The following TRHDE variants were observed in gnomAD, a reference collection of about 807,000 sequenced individuals.
TRHDE encodes thyrotropin-releasing hormone-degrading ectoenzyme.
Under a neutral mutation model 125.7 loss-of-function variants are expected in TRHDE, and 72 were observed. That is an observed-to-expected ratio of 0.57 (90% CI 0.47 to 0.70). The LOEUF (loss-of-function observed/expected upper bound fraction) is 0.70. Ranked by LOEUF, TRHDE falls within the 30% of genes least tolerant of loss-of-function variation. The pLI is 0.00. For missense variants in TRHDE, 1,110 were observed against 1,327.1 expected (o/e 0.84, Z 2.54); for synonymous variants, 509 against 509.1 (o/e 1.00, Z 0.00).
intron 6 of TRHDE, among the ~76,000 whole-genome samples, chr12:72,504,331 T>C (rs1878274388): frequency 6.6e-6 from 1 of 150,440 alleles, no homozygotes; most frequent in Non-Finnish European, 1.5e-5. Context: ...TTTGAGACAG[T>C]CTCGCTCTGT....
chr12:72,632,975 AT>A (rs1448103237), intron 15 of TRHDE, among the ~76,000 whole-genome samples: 1 of 151,884 alleles, frequency 6.6e-6, no homozygotes, highest in African/African-American at 2.4e-5. Context: ...TGGCAATTAT[AT>A]TTTATAAAGT....
intron 5 of TRHDE, among the ~76,000 whole-genome samples, chr12:72,474,400 G>A (rs1876793780): frequency 6.6e-6 from 1 of 152,052 alleles, no homozygotes; most frequent in Non-Finnish European, 1.5e-5. Context: ...CATGACTGAA[G>A]CTTTGTACAC....
chr12:72,382,335 G>C (rs1341783411), intron 3 of TRHDE, among the ~76,000 whole-genome samples: 2 of 152,016 alleles, frequency 1.3e-5, no homozygotes, highest in Non-Finnish European at 2.9e-5. Flanking sequence ...CATGGGGTTG[G>C]GGAGGGGGGG....
At chr12:72,222,762 C>G (rs981356) in intron 2 of TRHDE, among the ~76,000 whole-genome samples, 1 of 152,016 alleles carries the variant, frequency 6.6e-6, no homozygotes, top group East Asian at 1.9e-4. Flanking sequence ...TCATAGTGGT[C>G]CTAGGGAGAT....
At chr12:72,141,045 A>G (rs984450136) in intron 2 of TRHDE, among the ~76,000 whole-genome samples, 3 of 152,174 alleles carry the variant, frequency 2.0e-5, no homozygotes, top group Admixed American at 6.5e-5. Flanking sequence ...ATTTCAGAGA[A>G]GCAAAAAATG....
At chr12:72,435,236 C>G (rs1404082731) in intron 3 of TRHDE, among the ~76,000 whole-genome samples, 1 of 152,216 alleles carries the variant, frequency 6.6e-6, no homozygotes, top group Non-Finnish European at 1.5e-5. Context: ...TGACTGCCAT[C>G]TATACCTGGT....
rs1460782968 is a variant in TRHDE at position 72,362,132 on chromosome 12, C to T, written c.1189-15863C>T. Among the ~76,000 whole-genome samples the T allele has an allele frequency of 1.0e-3, 130 of 130,282 alleles. 3 individuals carry two copies. The East Asian group carries it at 0.024, about 24-fold the overall frequency. 85.5% of individuals were successfully genotyped at this position (130,282 alleles called of 152,430 possible). On this transcript the variant is annotated intron_variant, in intron 2 of 18. Transcript: ENST00000261180. ...TTCTAGTCCTAGATCCCTGAGGAAT[C>T]GCCACACTGACTTCCACAATGGTTG...
intron 1 of TRHDE, among the ~76,000 whole-genome samples, chr12:72,098,508 T>C (rs1017011978): frequency 6.6e-6 from 1 of 152,216 alleles, no homozygotes; most frequent in African/African-American, 2.4e-5. Context: ...GCTGTTTCTG[T>C]AATTTAGAGG....
intron 2 of TRHDE, among the ~76,000 whole-genome samples, chr12:72,224,270 C>A (rs901750947): frequency 2.0e-5 from 3 of 151,478 alleles, no homozygotes; most frequent in Non-Finnish European, 4.4e-5. Flanking sequence ...AAGGACCCCC[C>A]CCTAGGTAGA....
chr12:72,541,696 C>T (rs752771543), intron 6 of TRHDE, among the ~76,000 whole-genome samples: 2 of 151,380 alleles, frequency 1.3e-5, no homozygotes, highest in Non-Finnish European at 3.0e-5. Context: ...TTAAATATAA[C>T]TACTATTAAC....
chr12:72,636,747 A>G (rs1030791764), intron 15 of TRHDE, among the ~76,000 whole-genome samples: 2 of 152,224 alleles, frequency 1.3e-5, no homozygotes, highest in African/African-American at 4.8e-5. Flanking sequence ...CCTTTTCTGC[A>G]TCTATTGAGA....
chr12:72,599,721 A>G (rs988105924), intron 12 of TRHDE, among the ~76,000 whole-genome samples: 7 of 152,032 alleles, frequency 4.6e-5, no homozygotes, highest in Non-Finnish European at 1.0e-4. Flanking sequence ...TTAGTTTAAT[A>G]AGGTTTCACT....
intron 3 of TRHDE, among the ~76,000 whole-genome samples, chr12:72,400,756 A>G (rs183212268): frequency 3.9e-5 from 6 of 152,248 alleles, no homozygotes; most frequent in African/African-American, 1.4e-4. Flanking sequence ...CTTAAGAAAA[A>G]GTTTGTCTTA....
intron 2 of TRHDE, among the ~76,000 whole-genome samples, chr12:72,305,803 C>G (rs758841047): frequency 1.3e-5 from 2 of 152,198 alleles, no homozygotes; most frequent in Non-Finnish European, 2.9e-5. Flanking sequence ...AGATCATTTA[C>G]TGGTTCCACT....
chr12:72,318,263 C>T (rs1433905845), intron 2 of TRHDE, among the ~76,000 whole-genome samples: 2 of 151,974 alleles, frequency 1.3e-5, no homozygotes, highest in Non-Finnish European at 2.9e-5. Context: ...AATGAGGGTA[C>T]ATTCTAGATA....
chr12:72,458,614 T>C (rs1875983851), intron 3 of TRHDE, among the ~76,000 whole-genome samples: 1 of 152,156 alleles, frequency 6.6e-6, no homozygotes, highest in Admixed American at 6.6e-5. Context: ...AGCCTCTTAG[T>C]AGATATCTCT....
chr12:72,270,187 A>G (rs1349748402), upstream of TRHDE, among the ~76,000 whole-genome samples: 1 of 152,254 alleles, frequency 6.6e-6, no homozygotes, highest in Non-Finnish European at 1.5e-5. Flanking sequence ...ACATATGGAC[A>G]GCAAGAGTAC....
chr12:72,312,784 A>G (rs1827821588), intron 2 of TRHDE, among the ~76,000 whole-genome samples: 1 of 152,200 alleles, frequency 6.6e-6, no homozygotes, highest in Non-Finnish European at 1.5e-5. Context: ...AGATTATAAA[A>G]AAGTATTTGG....
chr12:72,601,518 C>T (rs192784409), intron 12 of TRHDE, among the ~76,000 whole-genome samples: 16 of 152,208 alleles, frequency 1.1e-4, no homozygotes, highest in African/African-American at 3.9e-4. Flanking sequence ...GAAAGCAGTT[C>T]TACTGTGGGT....
Sources: gnomAD v4.1 joint callset for allele counts (sites outside exome capture counted in the v4.1 genomes callset) on GRCh38, gnomAD v4.1.1 for gene constraint, MANE v1.5 for transcripts, NCBI Gene and HGNC (gene_info 2026-07-23, HGNC 2026-07-21) for gene names.